PCBP3: variants seen among roughly 807,000 people sequenced by gnomAD.
PCBP3 encodes poly(rC)-binding protein 3.
In PCBP3, 25 loss-of-function variants were observed where a neutral mutation model predicts 52.7. The observed-to-expected ratio is 0.47, with a 90% CI of 0.35 to 0.66. The LOEUF (loss-of-function observed/expected upper bound fraction) is 0.66, where lower values mean the gene tolerates loss of function less well. Ranked by LOEUF, PCBP3 falls within the 30% of genes least tolerant of loss-of-function variation. PCBP3 has a pLI of 0.01. For missense variants in PCBP3, 391 were observed against 490.3 expected, an observed-to-expected ratio of 0.80 and a Z score of 1.91; for synonymous variants, 162 against 183.0, an observed-to-expected ratio of 0.89 and a Z score of 0.93.
At chr21:45,931,876 T>A (rs1037561162) in intron 15 of PCBP3, among the ~76,000 whole-genome samples, 1 of 147,750 alleles carries the variant, frequency 6.8e-6, no homozygotes, top group African/African-American at 2.5e-5. Flanking sequence ...CTGAGATGAA[T>A]GAACACATCG....
chr21:45,741,048 C>T lies in PCBP3; in HGVS notation c.-162+5619C>T, dbSNP rs534730325. Among the ~76,000 whole-genome samples the T allele has an allele frequency of 4.6e-5, 7 of 152,252 alleles. No individual in the cohort carries two copies. In the East Asian group the frequency reaches 5.8e-4, roughly 13 times the overall value. On this transcript the variant is annotated intron_variant, in intron 3 of 17. Transcript: ENST00000681687. The surrounding 1 kb of genome is among the most constrained non-coding windows in gnomAD (Gnocchi z 4.5). ...ACTGTCCTAAACGGAAAGCAGGGCACGGGATGGCTTCACTCCAGCTCCTCC... is the reference window on the plus strand; with the variant it reads ...ACTGTCCTAAACGGAAAGCAGGGCATGGGATGGCTTCACTCCAGCTCCTCC...
At chr21:45,935,472 G>A (rs2076789968) in intron 16 of PCBP3, 167 bp downstream of exon 16, 2 of 701,372 alleles carry the variant, frequency 2.9e-6, no homozygotes, top group African/African-American at 1.7e-5. Context: ...TTTAAAGTGG[G>A]TTTAATGCCC....
chr21:45,932,356 T>C (rs1173833325), intron 15 of PCBP3, among the ~76,000 whole-genome samples: 2 of 149,770 alleles, frequency 1.3e-5, no homozygotes, highest in East Asian at 2.0e-4. Flanking sequence ...CTGAGATGAG[T>C]GAACACCTGG....
At chr21:45,847,975 A>G (rs1420436390) in intron 4 of PCBP3, among the ~76,000 whole-genome samples, 1 of 152,132 alleles carries the variant, frequency 6.6e-6, no homozygotes, top group Non-Finnish European at 1.5e-5. Context: ...TGTATCTGGC[A>G]GCTTCTCTGC....
At chr21:45,824,051 CT>C (rs1333642185) in intron 4 of PCBP3, among the ~76,000 whole-genome samples, 1 of 152,194 alleles carries the variant, frequency 6.6e-6, no homozygotes, top group East Asian at 1.9e-4. Context: ...CTGTTTGTTT[CT>C]TTTAAATAAA....
chr21:45,708,828 C>T (rs1032697171), intron 2 of PCBP3, among the ~76,000 whole-genome samples: 1 of 152,182 alleles, frequency 6.6e-6, no homozygotes, highest in Non-Finnish European at 1.5e-5. Context: ...CCTTTGTTCC[C>T]CGTAGGAGCA....
chr21:45,892,470 TGGG>T lies in PCBP3; in HGVS notation c.11-3729_11-3727del, dbSNP rs547143010. ...GCGCAGTCCCGTCTCTGACGGGGCG[TGGG>T]GGGGGGGGCGGTCCCGTCTCTCACG... On this transcript the variant is annotated intron_variant, in intron 5 of 17. Transcript: ENST00000681687. Among the ~76,000 whole-genome samples the T allele has an allele frequency of 8.8e-3, 700 of 79,126 alleles. 11 individuals are homozygous for T. The highest frequency in any genetic ancestry group is 0.027 in the Middle Eastern group (4 of 148). The allele number at this position is 79,126 out of a possible 152,430, so 51.9% of individuals were successfully genotyped here. A position where few individuals can be genotyped will look rare whatever the true frequency, so the allele number is the denominator to read the frequency against.
At chr21:45,780,959 G>T (rs1257380546) in intron 4 of PCBP3, among the ~76,000 whole-genome samples, 1 of 152,196 alleles carries the variant, frequency 6.6e-6, no homozygotes, top group Non-Finnish European at 1.5e-5. Context: ...GGGTACATCT[G>T]GGCAGTCATT....
At chr21:45,797,127 G>A (rs1391358683) in intron 4 of PCBP3, among the ~76,000 whole-genome samples, 1 of 152,232 alleles carries the variant, frequency 6.6e-6, no homozygotes, top group African/African-American at 2.4e-5. Flanking sequence ...AGAGCGTGGT[G>A]TATGGGCCTA....
Position 45,784,098 on chromosome 21 carries a change from G to A in PCBP3, c.-126+28646G>A, listed in dbSNP as rs192062576. 4.6e-5 allele frequency among the ~76,000 whole-genome samples: 7 copies of A among 152,312 alleles called. No homozygotes were observed. In the East Asian group the frequency reaches 1.3e-3, roughly 29 times the overall value. On this transcript the variant is annotated intron_variant, in intron 4 of 17. Transcript: ENST00000681687. Reference sequence around the variant, plus strand: ...AAAGAGCCCCTTGTCTACCTTGACAGGGATGTAATTTGCAGAGTCCAGTGT... The same window carrying A: ...AAAGAGCCCCTTGTCTACCTTGACAAGGATGTAATTTGCAGAGTCCAGTGT...
intron 4 of PCBP3, among the ~76,000 whole-genome samples, chr21:45,796,532 G>C (rs1278357061): frequency 6.6e-6 from 1 of 151,674 alleles, no homozygotes; most frequent in Non-Finnish European, 1.5e-5. Flanking sequence ...TCCATTTTTT[G>C]TCTGTTGTGT....
At chr21:45,898,540 CACT>C (rs2095905005) in intron 6 of PCBP3, among the ~76,000 whole-genome samples, 97 of 97,484 alleles carry the variant, frequency 1.0e-3, no homozygotes, top group Non-Finnish European at 1.3e-3. Context: ...CCCCTCTACA[CACT>C]GTCCTCCCAG....
chr21:45,824,773 A>AT (rs2093262369), intron 4 of PCBP3, among the ~76,000 whole-genome samples: 1 of 152,154 alleles, frequency 6.6e-6, no homozygotes, highest in African/African-American at 2.4e-5. Flanking sequence ...ATCCACCCGG[A>AT]TTCACCCGCT....
chr21:45,717,259 A>G (rs559286243), intron 2 of PCBP3, among the ~76,000 whole-genome samples: 27 of 152,268 alleles, frequency 1.8e-4, no homozygotes, highest in South Asian at 1.2e-3. Flanking sequence ...TTTTCTATAT[A>G]CAATATCATG....
intron 4 of PCBP3, among the ~76,000 whole-genome samples, chr21:45,758,247 G>A (rs901031680): frequency 6.6e-6 from 1 of 152,188 alleles, no homozygotes; most frequent in African/African-American, 2.4e-5. Context: ...AAATTGACAA[G>A]GGTGAGTCTT....
chr21:45,700,452 C>CCACA (rs1209495469), intron 2 of PCBP3, among the ~76,000 whole-genome samples: 1 of 152,094 alleles, frequency 6.6e-6, no homozygotes, highest in Non-Finnish European at 1.5e-5. Flanking sequence ...TGGAAGCAGC[C>CCACA]CACAGATGGA....
chr21:45,832,347 G>A (rs1320177835), intron 4 of PCBP3, among the ~76,000 whole-genome samples: 2 of 152,164 alleles, frequency 1.3e-5, no homozygotes, highest in African/African-American at 4.8e-5. Context: ...TATCAGCAGG[G>A]TCTTTATGAC....
chr21:45,706,641 A>G (rs1469873611), intron 2 of PCBP3, among the ~76,000 whole-genome samples: 3 of 152,202 alleles, frequency 2.0e-5, no homozygotes, highest in African/African-American at 4.8e-5. Flanking sequence ...TGCTGGTTCA[A>G]TTAGCACAAA....
chr21:45,821,373 C>T lies in PCBP3; in HGVS notation c.-125-28588C>T, dbSNP rs751129554. On this transcript the variant is annotated intron_variant, in intron 4 of 17. Transcript: ENST00000681687. The surrounding 1 kb of genome is among the most constrained non-coding windows in gnomAD (Gnocchi z 4.4). Reference sequence around the variant, plus strand: ...TGAGGTCCAGTACCCCCCTGCACCACGCTGTGGGCCCCGCACCCTCCCCCA... The same window carrying T: ...TGAGGTCCAGTACCCCCCTGCACCATGCTGTGGGCCCCGCACCCTCCCCCA... 1.1e-4 allele frequency among the ~76,000 whole-genome samples: 16 copies of T among 151,398 alleles called. No individual in the cohort carries two copies. The highest frequency in any genetic ancestry group is 1.8e-4 in the Non-Finnish European group (12 of 67,854).
Sources: allele counts gnomAD v4.1 joint callset (sites outside exome capture counted in the v4.1 genomes callset), GRCh38; gene constraint gnomAD v4.1.1; non-coding constraint Gnocchi (gnomAD v3.1); transcripts MANE v1.5; gene names NCBI Gene and HGNC (gene_info 2026-07-23, HGNC 2026-07-21).